SHISAL1: variants seen among roughly 807,000 people sequenced by gnomAD.
The protein encoded by SHISAL1 is shisa like 1.
A neutral mutation model predicts 22.6 loss-of-function variants in SHISAL1; 9 were observed. The ratio of observed to expected loss-of-function variants is 0.40; its 90% CI spans 0.24 to 0.70. SHISAL1 has a LOEUF of 0.70. SHISAL1 is among the 30% of genes least tolerant of loss of function. The pLI is 0.39. For missense variants in SHISAL1, 246 were observed against 270.6 expected, an observed-to-expected ratio of 0.91 and a Z score of 0.64; for synonymous variants, 119 against 115.4, an observed-to-expected ratio of 1.03 and a Z score of -0.20.
At chr22:44,286,447 C>T (rs991872612) in intron 3 of SHISAL1, among the ~76,000 whole-genome samples, 11 of 152,246 alleles carry the variant, frequency 7.2e-5, no homozygotes, top group South Asian at 2.1e-4. Context: ...TTTGGAAGCC[C>T]GCTGTGAAGC....
intron 1 of SHISAL1, among the ~76,000 whole-genome samples, chr22:44,305,595 G>A (rs1279207736): frequency 6.6e-6 from 1 of 152,208 alleles, no homozygotes; most frequent in Non-Finnish European, 1.5e-5. Flanking sequence ...GACTGGGTGG[G>A]AATCCCAGCC....
chr22:44,257,520 C>A (rs965108557), intron 4 of SHISAL1, among the ~76,000 whole-genome samples: 1 of 152,220 alleles, frequency 6.6e-6, no homozygotes, highest in Non-Finnish European at 1.5e-5. Context: ...TGAATTTCCA[C>A]CTTCCTCCCC....
intron 4 of SHISAL1, among the ~76,000 whole-genome samples, chr22:44,263,664 G>C (rs778685799): frequency 3.3e-5 from 5 of 152,330 alleles, no homozygotes; most frequent in Non-Finnish European, 5.9e-5. Flanking sequence ...TGGAGGGGAT[G>C]TGGCCATGGG....
chr22:44,309,625 G>A (rs570321403), intron 1 of SHISAL1, among the ~76,000 whole-genome samples: 7 of 152,112 alleles, frequency 4.6e-5, no homozygotes, highest in Admixed American at 1.3e-4. Flanking sequence ...CTGTCTCCAC[G>A]ACTCATAAGA....
chr22:44,252,634 A>G (rs2055055987), intron 4 of SHISAL1, among the ~76,000 whole-genome samples: 1 of 146,508 alleles, frequency 6.8e-6, no homozygotes, highest in African/African-American at 2.6e-5. Flanking sequence ...TGCTTAAAAA[A>G]AAAAAAAAAA....
Position 44,306,608 on chromosome 22 carries a change from T to C in SHISAL1, c.-32-5631A>G, listed in dbSNP as rs573610341. Among the ~76,000 whole-genome samples the C allele has an allele frequency of 2.8e-4, 35 of 123,018 alleles. 2 individuals are homozygous for C. Among genetic ancestry groups the C allele is most frequent in the Non-Finnish European group, 5.4e-4 (31 of 57,838 alleles). The allele number at this position is 123,018 out of a possible 152,430, so 80.7% of individuals were successfully genotyped here. On this transcript the variant is annotated intron_variant, in intron 1 of 4. Transcript: ENST00000381176. ...GACGATGGCATGTGTGGAGGGGAAC[T>C]GGGCTCAAGGAGCTGTGATGACGAT...
At chr22:44,315,025 C>T (rs1036740828), upstream of SHISAL1, among the ~76,000 whole-genome samples, 20 of 152,112 alleles carry the variant, frequency 1.3e-4, no homozygotes, top group African/African-American at 4.6e-4. Flanking sequence ...AGGCATACAG[C>T]GGGACGTGGG....
intron 1 of SHISAL1, among the ~76,000 whole-genome samples, chr22:44,309,461 G>C (rs755753931): frequency 1.3e-5 from 2 of 152,090 alleles, no homozygotes; most frequent in Non-Finnish European, 2.9e-5. Context: ...CAGATCACCC[G>C]AGCCCAGGGC....
chr22:44,283,147 G>A (rs8141041), intron 4 of SHISAL1, among the ~76,000 whole-genome samples: 4,136 of 152,288 alleles, frequency 0.027, 198 homozygotes, highest in African/African-American at 0.095. Context: ...GTGGGACGGT[G>A]CCCGTGAATC....
Position 44,265,643 on chromosome 22 carries a change from G to C in SHISAL1, c.*-15958C>G, listed in dbSNP as rs142444082. 2.3e-3 allele frequency among the ~76,000 whole-genome samples: 346 copies of C among 152,238 alleles called. 4 individuals are homozygous for C. Among genetic ancestry groups the C allele is most frequent in the African/African-American group, 8.0e-3 (334 of 41,566 alleles). On this transcript the variant is annotated intron_variant, in intron 4 of 4. Coordinates refer to ENST00000381176, the MANE Select transcript of SHISAL1 (RefSeq NM_001099294.2). ...AATGTTTTAAGCTGCTGACTTGTGG[G>C]GTAACTTGTTACACAGCACTAACTA...
the SHISAL1 span, among the ~76,000 whole-genome samples, chr22:44,329,721 T>C: frequency 6.6e-6 from 1 of 152,080 alleles, no homozygotes; most frequent in Non-Finnish European, 1.5e-5. Context: ...CAGAGAAGTG[T>C]CCCGCACTGA....
Position 44,246,481 on chromosome 22 carries a change from T to G in SHISAL1, c.*3204A>C, listed in dbSNP as rs975735589. Reference sequence around the variant, plus strand: ...GGTTGAGTTGCTAAAAAACAGTAACTCTAGCTATGCTTGAACTCGTCACTA... The same window carrying G: ...GGTTGAGTTGCTAAAAAACAGTAACGCTAGCTATGCTTGAACTCGTCACTA... On this transcript the variant is annotated 3_prime_UTR_variant, in exon 5 of 5. Transcript: ENST00000381176. 4 of 152,156 alleles carry G rather than the reference T, an allele frequency of 2.6e-5. No homozygotes were observed. Among genetic ancestry groups the G allele is most frequent in the African/African-American group, 9.7e-5 (4 of 41,426 alleles). The allele number at this position is 152,156 out of a possible 1,614,324, so 9.4% of individuals were successfully genotyped here. A position where few individuals can be genotyped will look rare whatever the true frequency, so the allele number is the denominator to read the frequency against.
intron 3 of SHISAL1, among the ~76,000 whole-genome samples, chr22:44,286,569 T>A (rs1163591894): frequency 1.3e-5 from 2 of 151,974 alleles, no homozygotes; most frequent in Non-Finnish European, 2.9e-5. Context: ...CCTGCCTACC[T>A]CCCACCGGCC....
chr22:44,272,984 C>T (rs910517128), intron 4 of SHISAL1, among the ~76,000 whole-genome samples: 10 of 151,986 alleles, frequency 6.6e-5, no homozygotes, highest in African/African-American at 2.2e-4. Context: ...GTAGTCCCAG[C>T]TACTCAGGAG....
chr22:44,275,556 A>C (rs1470535357), intron 4 of SHISAL1, among the ~76,000 whole-genome samples: 1 of 152,124 alleles, frequency 6.6e-6, no homozygotes, highest in Non-Finnish European at 1.5e-5. Flanking sequence ...CACAACCATA[A>C]GGCAGCTATG....
intron 4 of SHISAL1, among the ~76,000 whole-genome samples, chr22:44,270,985 G>C (rs1176207552): frequency 6.6e-6 from 1 of 152,164 alleles, no homozygotes; most frequent in Non-Finnish European, 1.5e-5. Flanking sequence ...GGTGAAGGAG[G>C]CACACTTAGC....
chr22:44,258,858 A>G (rs1191552290), intron 4 of SHISAL1, among the ~76,000 whole-genome samples: 2 of 152,120 alleles, frequency 1.3e-5, no homozygotes, highest in Non-Finnish European at 2.9e-5. Context: ...CACTCAATTA[A>G]CATGTAAGAG....
upstream of SHISAL1, among the ~76,000 whole-genome samples, chr22:44,313,656 C>T (rs1487239539): frequency 3.3e-5 from 5 of 152,138 alleles, no homozygotes; most frequent in African/African-American, 1.2e-4. Flanking sequence ...TCTGCAGCCA[C>T]ACTTCCTGGG....
chr22:44,302,046 A>G (rs899944082), intron 1 of SHISAL1, among the ~76,000 whole-genome samples: 2 of 152,194 alleles, frequency 1.3e-5, no homozygotes, highest in South Asian at 2.1e-4. Context: ...CCACTTAAAA[A>G]GGGTTAAAGT....
Sources: allele counts gnomAD v4.1 joint callset (sites outside exome capture counted in the v4.1 genomes callset), GRCh38; gene constraint gnomAD v4.1.1; transcripts MANE v1.5; gene names NCBI Gene and HGNC (gene_info 2026-07-23, HGNC 2026-07-21).